Variants in H2AZ2 observed in about 807,000 individuals in gnomAD.
H2AZ2 encodes the protein H2A.Z variant histone 2, also known as histone H2A.V.
Under a neutral mutation model 15.5 loss-of-function variants are expected in H2AZ2, and 5 were observed. The ratio of observed to expected loss-of-function variants is 0.32; its 90% confidence interval spans 0.17 to 0.68. The LOEUF (loss-of-function observed/expected upper bound fraction) is 0.68, where lower values mean the gene tolerates loss of function less well. Ranked by LOEUF, H2AZ2 falls within the 30% of genes least tolerant of loss-of-function variation. The pLI is 0.72. For synonymous variants in H2AZ2, 44 were observed against 57.4 expected, an observed-to-expected ratio of 0.77 and a Z score of 1.05; for missense variants, 42 against 162.5, an observed-to-expected ratio of 0.26 and a Z score of 4.03.
intron 1 of H2AZ2, among the ~76,000 whole-genome samples, chr7:44,846,324 A>G (rs1182810871): frequency 1.3e-5 from 2 of 152,190 alleles, no homozygotes; most frequent in Admixed American, 6.5e-5. Flanking sequence ...AAATATCTGA[A>G]AAACTAGAAT....
intron 1 of H2AZ2, among the ~76,000 whole-genome samples, chr7:44,844,769 T>TA (rs753187174): frequency 2.0e-5 from 3 of 152,090 alleles, no homozygotes; most frequent in Non-Finnish European, 2.9e-5. Context: ...CTGTACGCTT[T>TA]AAAAAAACCT....
downstream of H2AZ2, among the ~76,000 whole-genome samples, chr7:44,831,118 G>C (rs1004054182): frequency 6.6e-6 from 1 of 152,198 alleles, no homozygotes; most frequent in Non-Finnish European, 1.5e-5. Context: ...AGTGAGCTGA[G>C]ATTGTGCCAC....
intron 1 of H2AZ2, among the ~76,000 whole-genome samples, chr7:44,846,656 A>C (rs1793417837): frequency 1.0e-4 from 2 of 19,732 alleles, no homozygotes; most frequent in African/African-American, 1.6e-4. Context: ...ACAAAAAACC[A>C]AAAAAAAAAA....
intron 1 of H2AZ2, among the ~76,000 whole-genome samples, chr7:44,847,336 G>GA (rs1793435185): frequency 6.6e-6 from 1 of 152,112 alleles, no homozygotes; most frequent in African/African-American, 2.4e-5. Flanking sequence ...CTTTAAGACT[G>GA]AAAATCCATA....
chr7:44,844,789 T>C (rs569653506), intron 1 of H2AZ2, among the ~76,000 whole-genome samples: 1 of 152,302 alleles, frequency 6.6e-6, no homozygotes, highest in East Asian at 1.9e-4. Flanking sequence ...TATTTCTGCA[T>C]GAAAAAGGCA....
downstream of H2AZ2, chr7:44,828,459 A>C (rs1363989102): frequency 1.3e-5 from 2 of 152,214 alleles, no homozygotes; most frequent in African/African-American, 4.8e-5. Context: ...AGTGTCTTAC[A>C]TGTGTTCTCA....
At chr7:44,829,367 T>C (rs1053053653), downstream of H2AZ2, 2 of 152,226 alleles carry the variant, frequency 1.3e-5, no homozygotes, top group African/African-American at 4.8e-5. Flanking sequence ...TTGGAAGGCT[T>C]AGACGGGCGG....
chr7:44,834,610 C>T (rs1477722385), intron 4 of H2AZ2, 48 bp from the exon 5 acceptor site: 14 of 1,516,226 alleles, frequency 9.2e-6, no homozygotes, highest in Non-Finnish European at 1.1e-5. Context: ...AAGTTTTTGC[C>T]TCAAGTAAAA....
At chr7:44,836,357 G>A (rs1193892783) in intron 3 of H2AZ2, among the ~76,000 whole-genome samples, 1 of 152,034 alleles carries the variant, frequency 6.6e-6, no homozygotes, top group South Asian at 2.1e-4. Flanking sequence ...GTTTTCAAAT[G>A]TATTTTTAAA....
intron 2 of H2AZ2, among the ~76,000 whole-genome samples, chr7:44,842,243 A>C (rs955662766): frequency 6.6e-6 from 1 of 151,986 alleles, no homozygotes; most frequent in Non-Finnish European, 1.5e-5. Flanking sequence ...GCCTTTTCTT[A>C]AAGTTTTTCA....
downstream of H2AZ2, among the ~76,000 whole-genome samples, chr7:44,830,362 G>GC (rs1562783164): frequency 6.6e-6 from 1 of 152,046 alleles, no homozygotes; most frequent in Non-Finnish European, 1.5e-5. Context: ...CAGAAGCATC[G>GC]CAACAAATTC....
At chr7:44,843,491 T>C in intron 1 of H2AZ2, 137 bp from the exon 2 acceptor site, 2 of 604,696 alleles carry the variant, frequency 3.3e-6, no homozygotes, top group South Asian at 4.3e-5. Flanking sequence ...CATTTGTAAA[T>C]ATACATGGGA....
At chr7:44,838,537 C>G (rs1469530007) in intron 3 of H2AZ2, among the ~76,000 whole-genome samples, 2 of 151,980 alleles carry the variant, frequency 1.3e-5, no homozygotes, top group Non-Finnish European at 2.9e-5. Context: ...CCGGTAGCCC[C>G]AGCTACTCCG....
intron 2 of H2AZ2, 100 bp from the exon 3 acceptor site, chr7:44,841,112 T>C: frequency 1.2e-6 from 1 of 848,392 alleles, no homozygotes; most frequent in Admixed American, 2.4e-5. Flanking sequence ...AATAAAAAAC[T>C]TGATCACACA....
At chr7:44,841,156 T>C in intron 2 of H2AZ2, 144 bp from the exon 3 acceptor site, 1 of 605,220 alleles carries the variant, frequency 1.7e-6, no homozygotes, top group South Asian at 2.1e-5. Flanking sequence ...CATCAATAGT[T>C]CCCAGGGCCT....
chr7:44,842,868 C>T (rs890851978), intron 2 of H2AZ2, among the ~76,000 whole-genome samples: 1 of 152,026 alleles, frequency 6.6e-6, no homozygotes, highest in Non-Finnish European at 1.5e-5. Flanking sequence ...CAGCCAGGCG[C>T]GGTGGCTCAT....
Position 44,832,612 on chromosome 7 carries a change from A to G in H2AZ2, c.*1889T>C, listed in dbSNP as rs755814591. Among the ~76,000 whole-genome samples the G allele has an allele frequency of 6.6e-6, 1 of 152,236 alleles. No homozygotes were observed. Among genetic ancestry groups the G allele is most frequent in the Non-Finnish European group, 1.5e-5 (1 of 68,046 alleles). ...AATGAAGACTTGCAAGCAGAAAAATATAATTTTCTAAGGGTCAATTAACTA... is the reference window on the plus strand; with the variant it reads ...AATGAAGACTTGCAAGCAGAAAAATGTAATTTTCTAAGGGTCAATTAACTA... On this transcript the variant is annotated 3_prime_UTR_variant, in exon 5 of 5. Transcript: ENST00000308153.
In H2AZ2 at chr7:44,848,016, G is replaced by A. The variant is rs1004785891; in HGVS notation, c.-45C>T. On this transcript the variant is annotated 5_prime_UTR_variant, in exon 1 of 5. Transcript: ENST00000308153. Reference sequence around the variant, plus strand: ...CCTCCGCTCGGCCGCGCGCCCTCCCGCTGCCGACCCGCGCCGCCGCCGCCG... The same window carrying A: ...CCTCCGCTCGGCCGCGCGCCCTCCCACTGCCGACCCGCGCCGCCGCCGCCG... The A allele has an allele frequency of 3.5e-5, 44 of 1,247,234 alleles. No homozygotes were observed. The African/African-American group carries it at 6.5e-4, about 18-fold the overall frequency. The allele number at this position is 1,247,234 out of a possible 1,614,324, so 77.3% of individuals were successfully genotyped here.
intron 1 of H2AZ2, among the ~76,000 whole-genome samples, chr7:44,844,035 T>C (rs1420580123): frequency 2.5e-5 from 3 of 117,944 alleles, no homozygotes; most frequent in African/African-American, 8.2e-5. Context: ...AAATAAAGCA[T>C]GTTCCAAGAA....
Sources: gnomAD v4.1 joint callset for allele counts (sites outside exome capture counted in the v4.1 genomes callset) on GRCh38, gnomAD v4.1.1 for gene constraint, MANE v1.5 for transcripts, NCBI Gene and HGNC (gene_info 2026-07-23, HGNC 2026-07-21) for gene names.